DPP6: variants seen among roughly 807,000 people sequenced by gnomAD.
DPP6 encodes A-type potassium channel modulatory protein DPP6.
DPP6 carries 69 observed loss-of-function variants against 122.6 expected under a neutral mutation model. That is an observed-to-expected ratio of 0.56 (90% CI 0.46 to 0.69). The LOEUF (loss-of-function observed/expected upper bound fraction) is 0.69. Ranked by LOEUF, DPP6 falls within the 30% of genes least tolerant of loss-of-function variation. DPP6 has a pLI of 0.00. For missense variants in DPP6, 928 were observed against 1,116.9 expected (o/e 0.83, Z 2.41); for synonymous variants, 418 against 433.1 (o/e 0.97, Z 0.43).
At chr7:154,780,521 G>A (rs1587120495) in intron 10 of DPP6, among the ~76,000 whole-genome samples, 2 of 152,266 alleles carry the variant, frequency 1.3e-5, no homozygotes, top group Middle Eastern at 3.4e-3. Context: ...AAACACCTTA[G>A]CCATATCTTC....
Position 154,362,125 on chromosome 7 carries a change from A to G in DPP6, c.244-84089A>G, listed in dbSNP as rs1237790644. On this transcript the variant is annotated intron_variant, in intron 1 of 25. Transcript: ENST00000377770. ...GGTTGTGCTACAGCCTTAAAAACAC[A>G]TAAAGTAACTCAGCGTCATCCTTTC... Among the ~76,000 whole-genome samples the G allele has an allele frequency of 2.0e-5, 3 of 152,364 alleles. No homozygotes were observed. The East Asian group carries it at 5.8e-4, about 29-fold the overall frequency.
intron 6 of DPP6, among the ~76,000 whole-genome samples, chr7:154,661,746 A>G (rs1217900202): frequency 6.9e-6 from 1 of 145,922 alleles, no homozygotes. Context: ...AGTCATGGTG[A>G]ATCACCATGG....
At chr7:153,780,118 A>G in the DPP6 span, among the ~76,000 whole-genome samples, 1 of 152,022 alleles carries the variant, frequency 6.6e-6, no homozygotes, top group Non-Finnish European at 1.5e-5. Flanking sequence ...ATAGCAAGCA[A>G]AAGAAGGTGT....
chr7:153,942,428 T>G lies in DPP6; in HGVS notation c.51+54694T>G, dbSNP rs77146103. Among the ~76,000 whole-genome samples the G allele has an allele frequency of 2.0e-4, 31 of 152,262 alleles. No individual in the cohort carries two copies. In the East Asian group the frequency reaches 5.8e-3, roughly 28 times the overall value. Reference sequence around the variant, plus strand: ...CCAGTTCCCTGTGAGATCTTGAGGGTGTGGACAGGTGGCCCTCAGAGGCAT... The same window carrying G: ...CCAGTTCCCTGTGAGATCTTGAGGGGGTGGACAGGTGGCCCTCAGAGGCAT... On this transcript the variant is annotated intron_variant, in intron 1 of 25. Transcript: ENST00000404039.
intron 1 of DPP6, among the ~76,000 whole-genome samples, chr7:154,386,761 T>C (rs921128544): frequency 1.3e-5 from 2 of 152,182 alleles, no homozygotes; most frequent in Non-Finnish European, 2.9e-5. Context: ...AGAACAAAAG[T>C]AGCGTTAGCT....
intron 21 of DPP6, chr7:154,883,805 A>C (rs147376218): frequency 1.5e-5 from 2 of 134,384 alleles, no homozygotes; most frequent in South Asian, 4.7e-4. Context: ...CGACTCACGC[A>C]CACATGCTCA....
In DPP6 at chr7:154,853,834, G is replaced by C. The variant is rs976253707; in HGVS notation, c.1714+7G>C. On this transcript the variant is annotated splice_region_variant and intron_variant, in intron 17 of 25. Transcript: ENST00000377770. ...AACACAACAGATAAGAAAAGTAAGTGCTCTTTTTTTTCCTTAAATCTTCCT... is the reference window on the plus strand; with the variant it reads ...AACACAACAGATAAGAAAAGTAAGTCCTCTTTTTTTTCCTTAAATCTTCCT... 7 of 1,613,544 alleles carry C rather than the reference G, an allele frequency of 4.3e-6. No individual in the cohort carries two copies. The highest frequency in any genetic ancestry group is 1.7e-4 in the Middle Eastern group (1 of 6,060).
At chr7:153,843,075 C>T in the DPP6 span, among the ~76,000 whole-genome samples, 148 of 147,382 alleles carry the variant, frequency 1.0e-3, no homozygotes, top group African/African-American at 3.5e-3. Flanking sequence ...TGCATACACA[C>T]GTGCGCACAC....
At chr7:153,814,327 C>A in the DPP6 span, among the ~76,000 whole-genome samples, 1 of 152,166 alleles carries the variant, frequency 6.6e-6, no homozygotes, top group African/African-American at 2.4e-5. Context: ...ACTACAAACA[C>A]CTCTATGCAA....
intron 5 of DPP6, among the ~76,000 whole-genome samples, chr7:154,575,298 G>GA (rs1831506111): frequency 7.8e-6 from 1 of 128,534 alleles, no homozygotes; most frequent in Non-Finnish European, 1.6e-5. Context: ...GTATGTGTGT[G>GA]GGGGGTGTAT....
rs1195626513 is a variant in DPP6 at position 154,892,950 on chromosome 7, T to C, written c.*470T>C. 1 of 520,148 alleles carries C rather than the reference T, an allele frequency of 1.9e-6. No homozygotes were observed. The highest frequency in any genetic ancestry group is 1.9e-5 in the African/African-American group (1 of 52,036). 32.2% of individuals were successfully genotyped at this position (520,148 alleles called of 1,614,324 possible). On this transcript the variant is annotated 3_prime_UTR_variant, in exon 26 of 26. Coordinates refer to ENST00000377770, the MANE Select transcript of DPP6 (RefSeq NM_130797.4). ...AGTTACAGCACCATTGTTTTAGCAG[T>C]GCGTGTTCATATATGGGCTTGCTAC...
At chr7:154,696,858 GC>G (rs1448705562) in intron 7 of DPP6, among the ~76,000 whole-genome samples, 3 of 152,232 alleles carry the variant, frequency 2.0e-5, no homozygotes, top group Non-Finnish European at 4.4e-5. Context: ...TTAGGAGCCG[GC>G]CTCGGGGGGC....
intron 1 of DPP6, among the ~76,000 whole-genome samples, chr7:153,936,581 CGGA>C (rs1430308754): frequency 6.6e-6 from 1 of 151,754 alleles, no homozygotes; most frequent in Non-Finnish European, 1.5e-5. Context: ...CCGAGACAGC[CGGA>C]TCACAAGGTC....
the DPP6 span, among the ~76,000 whole-genome samples, chr7:153,794,943 T>TC: frequency 6.6e-6 from 1 of 152,134 alleles, no homozygotes; most frequent in East Asian, 1.9e-4. Context: ...TTCTGAGGCC[T>TC]CCCCAGCTAT....
intron 1 of DPP6, among the ~76,000 whole-genome samples, chr7:154,025,127 A>G (rs1391819010): frequency 6.6e-6 from 1 of 152,200 alleles, no homozygotes; most frequent in African/African-American, 2.4e-5. Context: ...TGGCATCATC[A>G]GTATTTAAAA....
At chr7:154,671,491 C>G (rs1333288268) in intron 7 of DPP6, among the ~76,000 whole-genome samples, 5 of 151,698 alleles carry the variant, frequency 3.3e-5, no homozygotes, top group Admixed American at 1.3e-4. Context: ...GCGGCTGTAA[C>G]TCAGTGTGTG....
intron 3 of DPP6, among the ~76,000 whole-genome samples, chr7:154,491,524 A>G (rs1586439396): frequency 2.0e-5 from 3 of 152,068 alleles, no homozygotes; most frequent in African/African-American, 7.2e-5. Flanking sequence ...TTCTCTTCCC[A>G]TCATCTTCCT....
intron 3 of DPP6, among the ~76,000 whole-genome samples, chr7:154,495,101 T>A (rs1824615402): frequency 6.6e-6 from 1 of 152,184 alleles, no homozygotes; most frequent in South Asian, 2.1e-4. Flanking sequence ...TCTCTAAATA[T>A]TGCAGGTAAA....
chr7:154,093,715 A>T (rs1805098679), intron 1 of DPP6: 1 of 151,792 alleles, frequency 6.6e-6, no homozygotes, highest in Non-Finnish European at 1.5e-5. Context: ...ACATCTCCCT[A>T]CCTCAACTTC....
Sources: gnomAD v4.1 joint callset for allele counts (sites outside exome capture counted in the v4.1 genomes callset) on GRCh38, gnomAD v4.1.1 for gene constraint, MANE v1.5 for transcripts, NCBI Gene and HGNC (gene_info 2026-07-23, HGNC 2026-07-21) for gene names.